The following CCSER1 variants were observed in gnomAD, a reference collection of about 807,000 sequenced individuals.
CCSER1 encodes the protein serine-rich coiled-coil domain-containing protein 1.
A neutral mutation model predicts 82.0 loss-of-function variants in CCSER1; 41 were observed. That is an observed-to-expected ratio of 0.50 (90% CI 0.39 to 0.65). The LOEUF (loss-of-function observed/expected upper bound fraction) is 0.65. Among genes scored for constraint, CCSER1 ranks in the 30% least tolerant of loss-of-function variants. CCSER1 has a pLI of 0.00. For missense variants in CCSER1, 1,119 were observed against 1,064.2 expected (o/e 1.05, Z -0.72); for synonymous variants, 414 against 383.9 (o/e 1.08, Z -0.92).
At chr4:90,316,923 A>T (rs573894821) in intron 3 of CCSER1, among the ~76,000 whole-genome samples, 1 of 152,332 alleles carries the variant, frequency 6.6e-6, no homozygotes, top group Non-Finnish European at 1.5e-5. Context: ...GAACAATTTG[A>T]TAAGTGTTCA....
At chr4:90,176,639 G>T (rs529318203) in intron 1 of CCSER1, among the ~76,000 whole-genome samples, 10 of 152,038 alleles carry the variant, frequency 6.6e-5, no homozygotes, top group Admixed American at 6.6e-5. Flanking sequence ...TGGACCACCT[G>T]TCGATATCCA....
chr4:90,288,754 C>T (rs1238509838), intron 1 of CCSER1, among the ~76,000 whole-genome samples: 1 of 151,920 alleles, frequency 6.6e-6, no homozygotes, highest in Non-Finnish European at 1.5e-5. Flanking sequence ...ATACAAATTA[C>T]TTGTTTGAGA....
At chr4:91,586,949 GA>G (rs2110330042) in intron 10 of CCSER1, among the ~76,000 whole-genome samples, 1 of 151,690 alleles carries the variant, frequency 6.6e-6, no homozygotes, top group East Asian at 1.9e-4. Flanking sequence ...ATAATGAATA[GA>G]TATGAATGAA....
rs1465476291 is a variant in CCSER1 at position 90,932,991 on chromosome 4, A to T, written c.2172+9544A>T. 1.8e-4 allele frequency among the ~76,000 whole-genome samples: 7 copies of T among 38,950 alleles called. 2 individuals are homozygous for T. Among genetic ancestry groups the T allele is most frequent in the African/African-American group, 9.9e-4 (7 of 7,102 alleles). 25.6% of individuals were successfully genotyped at this position (38,950 alleles called of 152,430 possible). A position where few individuals can be genotyped will look rare whatever the true frequency, so the allele number is the denominator to read the frequency against. On this transcript the variant is annotated intron_variant, in intron 9 of 10. Transcript: ENST00000509176. ...GAAAGAAAGAAAGAAAGAGAAAGAA[A>T]GAAAGAAAGAAAGAAAGAAAGAAAG... is the stretch of plus-strand genomic sequence containing the variant.
At chr4:90,867,151 G>A (rs1187615155) in intron 8 of CCSER1, among the ~76,000 whole-genome samples, 4 of 151,986 alleles carry the variant, frequency 2.6e-5, no homozygotes, top group Non-Finnish European at 5.9e-5. Context: ...CATCCAGAAG[G>A]CTTTAGATGG....
chr4:91,149,751 C>T (rs1461078702), intron 10 of CCSER1, among the ~76,000 whole-genome samples: 2 of 152,110 alleles, frequency 1.3e-5, no homozygotes, highest in Non-Finnish European at 2.9e-5. Flanking sequence ...TTCCCCATTT[C>T]TTGTTTTTGT....
chr4:90,553,823 C>T (rs908123435), intron 5 of CCSER1, among the ~76,000 whole-genome samples: 1 of 152,096 alleles, frequency 6.6e-6, no homozygotes, highest in African/African-American at 2.4e-5. Context: ...TTCATTTAAA[C>T]CTTCTGAAAT....
intron 10 of CCSER1, among the ~76,000 whole-genome samples, chr4:91,183,071 G>C (rs1285910482): frequency 6.6e-6 from 1 of 152,184 alleles, no homozygotes; most frequent in East Asian, 1.9e-4. Flanking sequence ...CAAAGGTCCT[G>C]GAAGAGATGT....
At chr4:91,280,888 C>T (rs1295105346) in intron 10 of CCSER1, among the ~76,000 whole-genome samples, 2 of 151,994 alleles carry the variant, frequency 1.3e-5, no homozygotes, top group Non-Finnish European at 2.9e-5. Flanking sequence ...GGGAAGGATG[C>T]AGTTGGTGGG....
chr4:90,320,910 C>A (rs1239692055), intron 3 of CCSER1, among the ~76,000 whole-genome samples: 2 of 152,028 alleles, frequency 1.3e-5, no homozygotes, highest in Non-Finnish European at 2.9e-5. Flanking sequence ...TCTGTGATAA[C>A]ATAATTTAAT....
intron 2 of CCSER1, among the ~76,000 whole-genome samples, chr4:90,312,564 G>A (rs1207641789): frequency 6.6e-6 from 1 of 152,082 alleles, no homozygotes; most frequent in Non-Finnish European, 1.5e-5. Context: ...TTGGTCCAGG[G>A]TCTTAGAAGG....
chr4:90,887,618 T>C (rs1424579756), intron 8 of CCSER1, among the ~76,000 whole-genome samples: 2 of 152,174 alleles, frequency 1.3e-5, no homozygotes, highest in Admixed American at 1.3e-4. Context: ...GCACGTTGGC[T>C]CACGCCTGTA....
At chr4:91,312,698 C>A (rs1745570356) in intron 10 of CCSER1, among the ~76,000 whole-genome samples, 1 of 151,852 alleles carries the variant, frequency 6.6e-6, no homozygotes, top group African/African-American at 2.4e-5. Context: ...AACTTGTCAT[C>A]TAAATTTTTC....
chr4:90,427,886 T>C (rs1301326426), intron 4 of CCSER1, among the ~76,000 whole-genome samples: 3 of 151,888 alleles, frequency 2.0e-5, no homozygotes, highest in Non-Finnish European at 4.4e-5. Context: ...TTTTGTAATC[T>C]AGCTTTTATT....
chr4:91,131,933 T>G (rs910418186), intron 10 of CCSER1, among the ~76,000 whole-genome samples: 1 of 151,922 alleles, frequency 6.6e-6, no homozygotes. Context: ...ATCGAAAATC[T>G]CTGAGCTTAT....
intron 10 of CCSER1, among the ~76,000 whole-genome samples, chr4:91,221,685 T>G (rs549032879): frequency 6.6e-6 from 1 of 152,270 alleles, no homozygotes; most frequent in African/African-American, 2.4e-5. Context: ...ATTTCAGTCA[T>G]AAGTTTAAAA....
intron 10 of CCSER1, among the ~76,000 whole-genome samples, chr4:91,135,287 T>C (rs1231326253): frequency 6.6e-6 from 1 of 152,078 alleles, no homozygotes; most frequent in Non-Finnish European, 1.5e-5. Flanking sequence ...GTAAACTAAC[T>C]GGCCATGCTC....
intron 8 of CCSER1, among the ~76,000 whole-genome samples, chr4:90,916,548 A>T (rs1475514791): frequency 6.6e-6 from 1 of 152,180 alleles, no homozygotes; most frequent in African/African-American, 2.4e-5. Context: ...TTAGACCTAA[A>T]ACCATAAAAA....
chr4:90,731,263 C>A lies in CCSER1; in HGVS notation c.2010+7272C>A, dbSNP rs1055584624. Among the ~76,000 whole-genome samples the A allele has an allele frequency of 6.6e-5, 10 of 152,204 alleles. No homozygotes were observed. In the East Asian group the frequency reaches 1.7e-3, roughly 26 times the overall value. On this transcript the variant is annotated intron_variant, in intron 7 of 10. Coordinates refer to ENST00000509176, the MANE Select transcript of CCSER1 (RefSeq NM_001145065.2). Reference sequence around the variant, plus strand: ...CTATTTTTACCCTTTAGGTAACTTTCTGATGTTACAAATAGATAGCATGAT... The same window carrying A: ...CTATTTTTACCCTTTAGGTAACTTTATGATGTTACAAATAGATAGCATGAT...
Sources: gnomAD v4.1 joint callset for allele counts (sites outside exome capture counted in the v4.1 genomes callset) on GRCh38, gnomAD v4.1.1 for gene constraint, MANE v1.5 for transcripts, NCBI Gene and HGNC (gene_info 2026-07-23, HGNC 2026-07-21) for gene names.